The following PARN variants were observed in gnomAD, a reference collection of about 807,000 sequenced individuals.
PARN encodes the protein poly(A)-specific ribonuclease PARN.
Under a neutral mutation model 102.8 loss-of-function variants are expected in PARN, and 71 were observed. The ratio of observed to expected loss-of-function variants is 0.69; its 90% CI spans 0.57 to 0.84. PARN has a LOEUF of 0.84. Ranked by LOEUF, PARN falls within the 40% of genes least tolerant of loss-of-function variation. PARN has a pLI of 0.00. For missense variants in PARN, 782 were observed against 760.9 expected (o/e 1.03, Z -0.33); for synonymous variants, 261 against 252.9 (o/e 1.03, Z -0.30).
rs543222785 is a variant in PARN, at chr16:14,592,598, G to A, written c.918+703C>T. Among the ~76,000 whole-genome samples the A allele has an allele frequency of 1.4e-4, 21 of 152,294 alleles. 1 individual carries two copies. Among genetic ancestry groups the A allele is most frequent in the Middle Eastern group, 6.8e-3 (2 of 294 alleles). On this transcript the variant is annotated intron_variant, in intron 13 of 23. Coordinates refer to ENST00000437198, the MANE Select transcript of PARN (RefSeq NM_002582.4). ...GAAAAATGCACTACTGAGGTCAGCA[G>A]AGAATCTAAGGGAAGCAGCCTAGCA...
chr16:14,468,908 T>TAGATAGATAGATAGATAGATAGAC (rs1555481222), intron 22 of PARN, among the ~76,000 whole-genome samples: 1 of 150,546 alleles, frequency 6.6e-6, no homozygotes, highest in African/African-American at 2.4e-5. Context: ...GATAGATAGA[T>TAGATAGATAGATAGATAGATAGAC]AGATAGATAG....
At chr16:14,504,871 C>T (rs1283726321) in intron 21 of PARN, among the ~76,000 whole-genome samples, 1 of 150,840 alleles carries the variant, frequency 6.6e-6, no homozygotes, top group African/African-American at 2.5e-5. Context: ...TGTTAAGCCT[C>T]CATTTAAAAG....
intron 10 of PARN, 142 bp downstream of exon 10, chr16:14,606,342 G>A: frequency 2.2e-6 from 1 of 454,478 alleles, no homozygotes; most frequent in Non-Finnish European, 3.9e-6. Context: ...AGGCTGCAGT[G>A]AGCCGTGACT....
intron 23 of PARN, among the ~76,000 whole-genome samples, chr16:14,442,087 C>G (rs1960966476): frequency 6.6e-6 from 1 of 152,194 alleles, no homozygotes; most frequent in African/African-American, 2.4e-5. Context: ...CTCCTTTGGG[C>G]ATGCCTCTGT....
chr16:14,554,082 T>C lies in PARN; in HGVS notation c.1388A>G (p.Gln463Arg), dbSNP rs2151708537. Reference protein sequence around the residue: ...PKEWKTSDLYQLFSAFGNIQI... With the variant: ...PKEWKTSDLYRLFSAFGNIQI... ...CGACTTACCAAAGGCACTGAAAAGCTGGTAAAGGTCGCTGGTTTTCCATTC... is the reference window on the plus strand; with the variant it reads ...CGACTTACCAAAGGCACTGAAAAGCCGGTAAAGGTCGCTGGTTTTCCATTC... Residue 463 changes from glutamine (Q) to arginine (R), a missense_variant, in exon 20 of 24, where the codon CAG (glutamine) becomes CGG (arginine). By Grantham distance (43) the Gln-to-Arg change is conservative. Transcript: ENST00000437198. 1 of 1,612,220 alleles carries C rather than the reference T, an allele frequency of 6.2e-7. No homozygotes were observed. The highest frequency in any genetic ancestry group is 2.2e-5 in the East Asian group (1 of 44,868).
At chr16:14,457,273 T>C (rs1419707697) in intron 22 of PARN, among the ~76,000 whole-genome samples, 2 of 152,172 alleles carry the variant, frequency 1.3e-5, no homozygotes, top group African/African-American at 2.4e-5. Context: ...CTGTGCAAAC[T>C]ACCTCACACA....
At position 14,538,350 on chromosome 16, in the gene PARN, C is replaced by G. The variant is rs1384189637; in HGVS notation, c.1480+13671G>C. On this transcript the variant is annotated intron_variant, in intron 21 of 23. Coordinates refer to ENST00000437198, the MANE Select transcript of PARN (RefSeq NM_002582.4). Reference sequence around the variant, plus strand: ...TCTCCTGCCTCAGCCTCCCAAGTAACTGGGACTACAGGTGCAACGCCACCA... The same window carrying G: ...TCTCCTGCCTCAGCCTCCCAAGTAAGTGGGACTACAGGTGCAACGCCACCA... Among the ~76,000 whole-genome samples, 9 of 151,646 alleles carry G rather than the reference C, an allele frequency of 5.9e-5. No homozygotes were observed. The East Asian group carries it at 1.7e-3, about 29-fold the overall frequency.
At chr16:14,629,483 G>A in intron 2 of PARN, 114 bp downstream of exon 2, 1 of 771,014 alleles carries the variant, frequency 1.3e-6, no homozygotes, top group Admixed American at 2.2e-5. Context: ...ACCCGCCCAA[G>A]GCTACTAACA....
At chr16:14,606,374 G>T in intron 10 of PARN, 110 bp downstream of exon 10, 1 of 535,090 alleles carries the variant, frequency 1.9e-6, no homozygotes, top group Non-Finnish European at 3.2e-6. Context: ...TCCAGCCTGG[G>T]TAATCAGAGA....
chr16:14,501,666 C>T (rs770160867), intron 21 of PARN: 2 of 151,980 alleles, frequency 1.3e-5, no homozygotes, highest in African/African-American at 2.4e-5. Flanking sequence ...GTTATTAAAG[C>T]CATCATGGTG....
intron 21 of PARN, among the ~76,000 whole-genome samples, chr16:14,544,440 T>C (rs74463685): frequency 6.6e-6 from 1 of 151,386 alleles, no homozygotes; most frequent in African/African-American, 2.4e-5. Flanking sequence ...TTGGGCATGG[T>C]GGCACACACC....
rs545171291 is a variant in PARN at position 14,446,783 on chromosome 16, T to C, written c.1864+105A>G. ...GCTTTGGTGGAAGACTACATGGGCT[T>C]TGCCACCAAGTGAAGCCTTGCTATA... On this transcript the variant is annotated intron_variant, in intron 23 of 23. Coordinates refer to ENST00000437198, the MANE Select transcript of PARN (RefSeq NM_002582.4). The C allele has an allele frequency of 4.1e-5, 30 of 735,848 alleles. No individual in the cohort carries two copies. In the African/African-American group the frequency reaches 5.2e-4, roughly 13 times the overall value. 45.6% of individuals were successfully genotyped at this position (735,848 alleles called of 1,614,324 possible). A position where few individuals can be genotyped will look rare whatever the true frequency, so the allele number is the denominator to read the frequency against.
In PARN at chr16:14,629,619, G is replaced by A. The variant is rs776309304; in HGVS notation, c.75C>T (p.Phe25=). The change falls in exon 2 of 24, where the codon TTC becomes TTT. Residue 25 remains phenylalanine (F), a synonymous_variant. Coordinates refer to ENST00000437198, the MANE Select transcript of PARN (RefSeq NM_002582.4). ...VYQAIEEADF[F]AIDGEFSGIS... is the part of the protein sequence containing the mutation. ...TACCTGAAAACTCCCCATCGATGGC[G>A]AAGAAGTCGGCCTCCTCTATGGCCT... is the stretch of plus-strand genomic sequence containing the variant. The A allele has an allele frequency of 3.1e-6, 5 of 1,613,120 alleles. No individual in the cohort carries two copies. In the East Asian group the frequency reaches 6.7e-5, roughly 22 times the overall value.
chr16:14,455,617 C>T (rs1469131889), intron 22 of PARN, among the ~76,000 whole-genome samples: 3 of 152,230 alleles, frequency 2.0e-5, no homozygotes, highest in Non-Finnish European at 4.4e-5. Context: ...GCTGCCAAAA[C>T]TTACATCTTC....
rs536725258 is a variant in PARN, at chr16:14,448,737, C to A, written c.1671-1656G>T. On this transcript the variant is annotated intron_variant, in intron 22 of 23. Coordinates refer to ENST00000437198, the MANE Select transcript of PARN (RefSeq NM_002582.4). ...TCAGGGGACAGAGGAGAAGAACACACTGCCTTCCTGGTGGTTCTCTAAGGC... is the reference window on the plus strand; with the variant it reads ...TCAGGGGACAGAGGAGAAGAACACAATGCCTTCCTGGTGGTTCTCTAAGGC... Among the ~76,000 whole-genome samples, 7 of 152,352 alleles carry A rather than the reference C, an allele frequency of 4.6e-5. No individual in the cohort carries two copies. The South Asian group carries it at 1.4e-3, about 32-fold the overall frequency.
chr16:14,562,489 A>G (rs1226162655), intron 18 of PARN, among the ~76,000 whole-genome samples: 3 of 151,698 alleles, frequency 2.0e-5, no homozygotes, highest in Non-Finnish European at 2.9e-5. Context: ...AAACTATTAA[A>G]TACCAAGGAC....
intron 21 of PARN, among the ~76,000 whole-genome samples, chr16:14,544,400 C>T (rs1966863009): frequency 6.6e-6 from 1 of 151,974 alleles, no homozygotes; most frequent in African/African-American, 2.4e-5. Flanking sequence ...CATGGCAAAA[C>T]CCTGTCTCTA....
rs564863266 is a variant in PARN, at chr16:14,630,244, C to G, written c.-119G>C. Reference sequence around the variant, plus strand: ...GAGGCAGCCGCAGCGGTGACGCCGGCCGCGACTTCCGGAAACAGCGCGCGC... The same window carrying G: ...GAGGCAGCCGCAGCGGTGACGCCGGGCGCGACTTCCGGAAACAGCGCGCGC... On this transcript the variant is annotated 5_prime_UTR_variant, in exon 1 of 24. Transcript: ENST00000437198. 6.9e-6 allele frequency: 6 copies of G among 871,432 alleles called. No homozygotes were observed. The Admixed American group carries it at 1.4e-4, about 20-fold the overall frequency. 54.0% of individuals were successfully genotyped at this position (871,432 alleles called of 1,614,324 possible). A position where few individuals can be genotyped will look rare whatever the true frequency, so the allele number is the denominator to read the frequency against.
At chr16:14,598,722 G>A (rs1294975903) in intron 12 of PARN, among the ~76,000 whole-genome samples, 2 of 152,134 alleles carry the variant, frequency 1.3e-5, no homozygotes, top group Non-Finnish European at 2.9e-5. Flanking sequence ...TCTTTTACAA[G>A]GCTCTGTAAA....
Sources: allele counts gnomAD v4.1 joint callset (sites outside exome capture counted in the v4.1 genomes callset), GRCh38; gene constraint gnomAD v4.1.1; transcripts MANE v1.5; gene names NCBI Gene and HGNC (gene_info 2026-07-23, HGNC 2026-07-21).